Variants in LRP1B observed in about 807,000 individuals in gnomAD.
LRP1B encodes LDL receptor related protein 1B, also known as low-density lipoprotein receptor-related protein 1B.
In LRP1B, 217 loss-of-function variants were observed where a neutral mutation model predicts 556.6. The ratio of observed to expected loss-of-function variants is 0.39; its 90% CI spans 0.35 to 0.44. The LOEUF is 0.44. LRP1B is among the 20% of genes least tolerant of loss of function. The pLI, the probability that LRP1B is intolerant of heterozygous loss-of-function variation, is 1.00. For synonymous variants in LRP1B, 2,047 were observed against 1,865.8 expected (o/e 1.10, Z -2.50); for missense variants, 5,053 against 5,620.8 (o/e 0.90, Z 3.23).
intron 11 of LRP1B, among the ~76,000 whole-genome samples, chr2:141,029,321 T>C (rs1698302493): frequency 6.6e-6 from 1 of 152,172 alleles, no homozygotes; most frequent in African/African-American, 2.4e-5. Flanking sequence ...CTGTGACTTG[T>C]ACTTATTTTC....
intron 84 of LRP1B, among the ~76,000 whole-genome samples, chr2:140,280,906 T>G (rs941672072): frequency 6.6e-6 from 1 of 151,844 alleles, no homozygotes; most frequent in Non-Finnish European, 1.5e-5. Context: ...ATAAAAATTT[T>G]TATAACCTCT....
chr2:141,574,585 A>G (rs776043528), intron 2 of LRP1B, among the ~76,000 whole-genome samples: 1 of 152,286 alleles, frequency 6.6e-6, no homozygotes, highest in South Asian at 2.1e-4. Flanking sequence ...TATTCAACAT[A>G]GTATTGGAAA....
intron 41 of LRP1B, among the ~76,000 whole-genome samples, chr2:140,671,823 C>T (rs1480511023): frequency 6.6e-6 from 1 of 152,054 alleles, no homozygotes; most frequent in Admixed American, 6.6e-5. Context: ...TGTGATAGGA[C>T]CTGGGTATCT....
chr2:140,256,507 T>C (rs1681696061), intron 86 of LRP1B, among the ~76,000 whole-genome samples: 1 of 123,204 alleles, frequency 8.1e-6, no homozygotes, highest in African/African-American at 3.0e-5. Flanking sequence ...TCTTGCTTTG[T>C]CGTCAGGCTG....
chr2:140,701,606 T>C, intron 40 of LRP1B, 115 bp downstream of exon 40: 1 of 962,652 alleles, frequency 1.0e-6, no homozygotes, highest in Non-Finnish European at 1.5e-6. Context: ...GATGTAAAGA[T>C]AATGTTTTGA....
In LRP1B at chr2:141,045,326, C is replaced by G. The variant is rs1157539837; in HGVS notation, c.1789+3660G>C. 2.0e-5 allele frequency among the ~76,000 whole-genome samples: 3 copies of G among 149,490 alleles called. No individual in the cohort carries two copies. In the East Asian group the frequency reaches 6.0e-4, roughly 30 times the overall value. On this transcript the variant is annotated intron_variant, in intron 11 of 90. Transcript: ENST00000389484. ...GGGAGATATACCTAATGCTAGATGACGAGATAGTGGGTGCAGCGCACCAGC... is the reference window on the plus strand; with the variant it reads ...GGGAGATATACCTAATGCTAGATGAGGAGATAGTGGGTGCAGCGCACCAGC...
intron 84 of LRP1B, among the ~76,000 whole-genome samples, chr2:140,281,880 A>G (rs1682929947): frequency 6.6e-6 from 1 of 151,778 alleles, no homozygotes; most frequent in Non-Finnish European, 1.5e-5. Flanking sequence ...TTATCCCTGC[A>G]GAGTGGTTTA....
intron 1 of LRP1B, among the ~76,000 whole-genome samples, chr2:142,087,495 G>A (rs1705991200): frequency 6.6e-6 from 1 of 151,228 alleles, no homozygotes; most frequent in Non-Finnish European, 1.5e-5. Flanking sequence ...AAACTCAGAG[G>A]GAGTTTTCTC....
At chr2:140,699,854 G>A (rs768924581) in intron 41 of LRP1B, among the ~76,000 whole-genome samples, 1 of 146,560 alleles carries the variant, frequency 6.8e-6, no homozygotes, top group African/African-American at 2.5e-5. Flanking sequence ...TCTGATGTTT[G>A]CTTGAGAAAC....
intron 17 of LRP1B, among the ~76,000 whole-genome samples, chr2:140,985,755 C>A (rs961081900): frequency 4.6e-5 from 7 of 151,702 alleles, no homozygotes; most frequent in African/African-American, 1.7e-4. Context: ...TTTTTTTTCC[C>A]AGTGAAATAT....
chr2:141,386,100 G>GT (rs1319152262), intron 3 of LRP1B, among the ~76,000 whole-genome samples: 3 of 151,978 alleles, frequency 2.0e-5, no homozygotes, highest in African/African-American at 7.2e-5. Context: ...TACAACTTTT[G>GT]TTTCATGCAC....
intron 1 of LRP1B, among the ~76,000 whole-genome samples, chr2:142,107,794 A>ATT (rs67962280): frequency 0.057 from 6,308 of 110,394 alleles, 206 homozygotes; most frequent in Non-Finnish European, 0.084. Flanking sequence ...CGCCTAGCTA[A>ATT]TTTTTTTTTT....
chr2:141,419,320 A>G (rs879804118), intron 3 of LRP1B, among the ~76,000 whole-genome samples: 12 of 152,078 alleles, frequency 7.9e-5, no homozygotes, highest in Admixed American at 6.5e-4. Context: ...TGAGTTTGAA[A>G]GTTTTGCTGT....
At chr2:141,589,055 G>A (rs1479638858) in intron 2 of LRP1B, among the ~76,000 whole-genome samples, 2 of 152,022 alleles carry the variant, frequency 1.3e-5, no homozygotes, top group African/African-American at 4.8e-5. Flanking sequence ...TATTAAATGA[G>A]CTTGGACATC....
intron 43 of LRP1B, among the ~76,000 whole-genome samples, chr2:140,574,073 G>A (rs752211435): frequency 6.6e-6 from 1 of 151,872 alleles, no homozygotes; most frequent in South Asian, 2.1e-4. Context: ...TATGTTATAT[G>A]CATTTATCTA....
At chr2:141,303,706 G>T (rs1295722046) in intron 3 of LRP1B, among the ~76,000 whole-genome samples, 1 of 152,054 alleles carries the variant, frequency 6.6e-6, no homozygotes, top group Admixed American at 6.5e-5. Context: ...CCTTGCTATT[G>T]TTAATAGTAC....
intron 86 of LRP1B, among the ~76,000 whole-genome samples, chr2:140,262,403 A>G (rs1005472214): frequency 2.6e-5 from 4 of 152,180 alleles, no homozygotes; most frequent in East Asian, 1.9e-4. Context: ...ATATGTACAT[A>G]CTAGTATCAT....
rs869074740 is a variant in LRP1B at position 140,841,930 on chromosome 2, C to CTACT, written c.4940-839_4940-838insAGTA. ...TGCCCAATTTATAGCATTTGATTAC[C>CTACT]TTGATTTTGGTTTTACTTTAAAAAA... On this transcript the variant is annotated intron_variant, in intron 29 of 90. Coordinates refer to ENST00000389484, the MANE Select transcript of LRP1B (RefSeq NM_018557.3). Among the ~76,000 whole-genome samples, 43 of 92,352 alleles carry CTACT rather than the reference C, an allele frequency of 4.7e-4. 1 individual carries two copies. The South Asian group carries it at 5.4e-3, about 12-fold the overall frequency. 60.6% of individuals were successfully genotyped at this position (92,352 alleles called of 152,430 possible). A position where few individuals can be genotyped will look rare whatever the true frequency, so the allele number is the denominator to read the frequency against.
At chr2:141,917,304 C>A (rs184381158) in intron 1 of LRP1B, among the ~76,000 whole-genome samples, 1 of 152,216 alleles carries the variant, frequency 6.6e-6, no homozygotes, top group Non-Finnish European at 1.5e-5. Flanking sequence ...ATCCAAGGAA[C>A]GCTATTAACA....
Sources: gnomAD v4.1 joint callset for allele counts (sites outside exome capture counted in the v4.1 genomes callset) on GRCh38, gnomAD v4.1.1 for gene constraint, MANE v1.5 for transcripts, NCBI Gene and HGNC (gene_info 2026-07-23, HGNC 2026-07-21) for gene names.